WDR73: variants seen among roughly 807,000 people sequenced by gnomAD.
The protein encoded by WDR73 is WD repeat domain 73, also known as integrator complex assembly factor WDR73.
Under a neutral mutation model 38.2 loss-of-function variants are expected in WDR73, and 30 were observed. The ratio of observed to expected loss-of-function variants is 0.79; its 90% confidence interval spans 0.59 to 1.06. The LOEUF is 1.06. Ranked by LOEUF, WDR73 falls within the 50% of genes least tolerant of loss-of-function variation. The pLI, the probability that WDR73 is intolerant of heterozygous loss-of-function variation, is 0.00. For missense variants in WDR73, 487 were observed against 467.0 expected (o/e 1.04, Z -0.40); for synonymous variants, 197 against 176.0 (o/e 1.12, Z -0.94).
intron 1 of WDR73, 193 bp downstream of exon 1, chr15:84,654,041 G>C: frequency 1.4e-6 from 1 of 703,136 alleles, no homozygotes; most frequent in Non-Finnish European, 2.4e-6. Context: ...ATCTCACAAC[G>C]CGCGCACGCA....
At chr15:84,651,311 A>G (rs1178871641) in intron 3 of WDR73, among the ~76,000 whole-genome samples, 1 of 148,332 alleles carries the variant, frequency 6.7e-6, no homozygotes, top group East Asian at 1.9e-4. Flanking sequence ...CTGTAGTCCC[A>G]GCTACTTGGG....
At chr15:84,643,953 G>A (rs773102970) in intron 7 of WDR73, 2 of 439,894 alleles carry the variant, frequency 4.5e-6, no homozygotes, top group Non-Finnish European at 7.8e-6. Flanking sequence ...ACAGGCTATT[G>A]GATGAGGAAT....
rs779449451 is a variant in WDR73 at position 84,645,710 on chromosome 15, C to G, written c.644G>C (p.Arg215Pro). 1.2e-6 allele frequency: 2 copies of G among 1,609,416 alleles called. No individual in the cohort carries two copies. The highest frequency in any genetic ancestry group is 1.7e-6 in the Non-Finnish European group (2 of 1,178,012). ...TRQKWAPLEN[R>P]SPGPGSGGER... ...TCCACCAGACCCAGGGCCAGGGCTGCGATTCTCCAACGGTGCCCACTTCTG... is the reference window on the plus strand; with the variant it reads ...TCCACCAGACCCAGGGCCAGGGCTGGGATTCTCCAACGGTGCCCACTTCTG... The change falls in exon 7 of 8, where the codon CGC becomes CCC. Residue 215 changes from arginine (R) to proline (P), a missense_variant. Physicochemically the swap from Arg to Pro is moderately radical, Grantham distance 103. Coordinates refer to ENST00000434634, the MANE Select transcript of WDR73 (RefSeq NM_032856.5).
intron 2 of WDR73, chr15:84,653,093 A>AT (rs1442578713): frequency 3.5e-6 from 1 of 287,760 alleles, no homozygotes; most frequent in Admixed American, 5.0e-5. Context: ...TAATTTTTGT[A>AT]TTTTTTGTAG....
chr15:84,653,800 C>T (rs905622700), intron 1 of WDR73, 101 bp from the exon 2 acceptor site: 3 of 910,134 alleles, frequency 3.3e-6, no homozygotes, highest in East Asian at 2.6e-5. Flanking sequence ...ACTCTGGAGT[C>T]AGGCAGACGT....
chr15:84,643,665 T>C lies in WDR73; in HGVS notation c.942A>G (p.Gln314=). ...GTTCTACTTGGCTCCGTGTTCCATC[T>C]TGGCTCCGTGTTCCATCCCAAGATG... ...DATSWDGTRS[Q]DGTRSQVEPL... Residue 314 remains glutamine, a synonymous_variant, in exon 8 of 8, where the codon CAA becomes CAG. Transcript: ENST00000434634. 1 of 1,243,342 alleles carries C rather than the reference T, an allele frequency of 8.0e-7. No homozygotes were observed. The highest frequency in any genetic ancestry group is 1.5e-5 in the African/African-American group (1 of 65,882). 77.0% of individuals were successfully genotyped at this position (1,243,342 alleles called of 1,614,324 possible).
chr15:84,645,592 G>A lies in WDR73; in HGVS notation c.762C>T (p.Asp254=). The change falls in exon 7 of 8, where the codon GAC becomes GAT. Residue 254 remains aspartate, a synonymous_variant. Coordinates refer to ENST00000434634, the MANE Select transcript of WDR73 (RefSeq NM_032856.5). Reference sequence around the variant, plus strand: ...TCACAGGATGGCAGAGATCCCGGGGGTCAAGAAGACAAAGACGCCCATCTG... The same window carrying A: ...TCACAGGATGGCAGAGATCCCGGGGATCAAGAAGACAAAGACGCCCATCTG... The part of the protein sequence containing the change: ...LGSDGRLCLL[D]PRDLCHPVSS... 6.2e-7 allele frequency: 1 copy of A among 1,611,104 alleles called. No homozygotes were observed. Among genetic ancestry groups the A allele is most frequent in the African/African-American group, 1.3e-5 (1 of 74,994 alleles).
At chr15:84,645,420 C>A in intron 7 of WDR73, 51 bp downstream of exon 7, 1 of 1,603,450 alleles carries the variant, frequency 6.2e-7, no homozygotes, top group South Asian at 1.1e-5. Flanking sequence ...ACCCAACAGT[C>A]TCCTGGAAGA....
At chr15:84,649,102 A>C (rs1896547256) in intron 3 of WDR73, among the ~76,000 whole-genome samples, 1 of 152,214 alleles carries the variant, frequency 6.6e-6, no homozygotes, top group Non-Finnish European at 1.5e-5. Context: ...TAGGTACTAT[A>C]ATTATCCCTA....
At chr15:84,644,182 T>C (rs923626884) in intron 7 of WDR73, 1 of 160,188 alleles carries the variant, frequency 6.2e-6, no homozygotes, top group Non-Finnish European at 1.4e-5. Context: ...AAGAGACTTC[T>C]TCAAACCTTT....
At chr15:84,650,846 A>C (rs944027591) in intron 3 of WDR73, among the ~76,000 whole-genome samples, 6 of 152,126 alleles carry the variant, frequency 3.9e-5, no homozygotes, top group Admixed American at 3.9e-4. Flanking sequence ...AAAATAAAAA[A>C]GGCCAAGTGC....
intron 7 of WDR73, chr15:84,644,128 T>G: frequency 5.6e-6 from 1 of 178,556 alleles, no homozygotes; most frequent in Admixed American, 5.5e-5. Flanking sequence ...TCCTCAGAAC[T>G]GTATGACACA....
At chr15:84,646,555 G>T in intron 5 of WDR73, 1 of 776,956 alleles carries the variant, frequency 1.3e-6, no homozygotes, top group Non-Finnish European at 1.8e-6. Context: ...TTTATTATTT[G>T]TCTTATAAAC....
At chr15:84,646,597 C>G (rs890233265) in intron 5 of WDR73, 1 of 423,938 alleles carries the variant, frequency 2.4e-6, no homozygotes, top group Non-Finnish European at 3.9e-6. Flanking sequence ...AATGCCATCT[C>G]AAAACCCAAA....
Position 84,639,798 on chromosome 15 carries a change from T to G in WDR73, c.*3672A>C, listed in dbSNP as rs74024725. The G allele has an allele frequency of 0.016, 2,405 of 152,330 alleles. 58 individuals carry two copies. Among genetic ancestry groups the G allele is most frequent in the African/African-American group, 0.053 (2,189 of 41,528 alleles). The allele number at this position is 152,330 out of a possible 1,614,324, so 9.4% of individuals were successfully genotyped here. On this transcript the variant is annotated 3_prime_UTR_variant, in exon 8 of 8. Transcript: ENST00000434634. ...CTGGATCCACGAAAAACTCCGCACC[T>G]GCCATCGAAACCACCAGGTGTACCG...
At position 84,645,352 on chromosome 15, in the gene WDR73, G is replaced by A; in HGVS notation, c.883+119C>T. ...ACCTGGAGAGTTCGAATTTCTCTGT[G>A]AGCAACTTTAACTCCTGGAGCCAGG... On this transcript the variant is annotated intron_variant, in intron 7 of 7. Transcript: ENST00000434634. 4 of 1,543,082 alleles carry A rather than the reference G, an allele frequency of 2.6e-6. No homozygotes were observed. The South Asian group carries it at 4.8e-5, about 19-fold the overall frequency.
chr15:84,645,312 G>C (rs1344407078), intron 7 of WDR73, 159 bp downstream of exon 7: 19 of 1,514,532 alleles, frequency 1.3e-5, no homozygotes, highest in Non-Finnish European at 1.7e-5. Context: ...GTAGGAAAAG[G>C]CCTGCCACTG....
intron 5 of WDR73, chr15:84,647,542 G>T (rs988464285): frequency 5.0e-5 from 11 of 221,860 alleles, no homozygotes; most frequent in Admixed American, 3.6e-4. Context: ...TGTTGCCCAG[G>T]CTGGAGTGCA....
rs1567019109 is a variant in WDR73, at chr15:84,641,387, CTGTGG to C, written c.*2078_*2082del. 2.0e-5 allele frequency: 3 copies of C among 152,242 alleles called. No homozygotes were observed. The South Asian group carries it at 6.2e-4, about 32-fold the overall frequency. 9.4% of individuals were successfully genotyped at this position (152,242 alleles called of 1,614,324 possible). A position where few individuals can be genotyped will look rare whatever the true frequency, so the allele number is the denominator to read the frequency against. ...CACTCAGTGCACCCAGTTTACTATT[CTGTGG>C]TGTGGAAAGCACAGGACTTGAGAAG... On this transcript the variant is annotated 3_prime_UTR_variant, in exon 8 of 8. Transcript: ENST00000434634.
Sources: allele counts gnomAD v4.1 joint callset (sites outside exome capture counted in the v4.1 genomes callset), GRCh38; gene constraint gnomAD v4.1.1; transcripts MANE v1.5; gene names NCBI Gene and HGNC (gene_info 2026-07-23, HGNC 2026-07-21).